The following CCDC171 variants were observed in gnomAD, a reference collection of about 807,000 sequenced individuals.
CCDC171 encodes the protein coiled-coil domain containing 171, also known as coiled-coil domain-containing protein 171.
Under a neutral mutation model 168.2 loss-of-function variants are expected in CCDC171, and 177 were observed. That is an observed-to-expected ratio of 1.05 (90% CI 0.93 to 1.19). The LOEUF (loss-of-function observed/expected upper bound fraction) is 1.19, where lower values mean the gene tolerates loss of function less well. CCDC171 is among the 50% of genes most tolerant of loss of function. CCDC171 has a pLI of 0.00. For missense variants in CCDC171, 1,991 were observed against 1,539.0 expected (o/e 1.29, Z -4.91); for synonymous variants, 687 against 540.8 (o/e 1.27, Z -3.75).
At chr9:16,018,561 A>C (rs1039528845) in intron 3 of CCDC171, among the ~76,000 whole-genome samples, 7 of 152,244 alleles carry the variant, frequency 4.6e-5, no homozygotes, top group Non-Finnish European at 1.0e-4. Flanking sequence ...ATGATCATTT[A>C]AACATAATCA....
chr9:16,039,242 C>G (rs568516984), upstream of CCDC171, among the ~76,000 whole-genome samples: 1 of 152,296 alleles, frequency 6.6e-6, no homozygotes, highest in African/African-American at 2.4e-5. Flanking sequence ...GATTCTCTGA[C>G]CTTTGCTGTC....
At chr9:15,705,699 T>C (rs2052167845) in intron 11 of CCDC171, among the ~76,000 whole-genome samples, 2 of 152,224 alleles carry the variant, frequency 1.3e-5, no homozygotes, top group East Asian at 3.8e-4. Context: ...ATAGCACCTA[T>C]TGCAGTCAAA....
intron 6 of CCDC171, among the ~76,000 whole-genome samples, chr9:15,610,481 A>AAAAAG (rs1564044335): frequency 4.4e-5 from 6 of 136,754 alleles, no homozygotes; most frequent in African/African-American, 1.7e-4. Context: ...AAAAAAAAAA[A>AAAAAG]CTGGGCGTGG....
chr9:15,698,739 G>T (rs114290873), intron 11 of CCDC171, among the ~76,000 whole-genome samples: 1,621 of 152,014 alleles, frequency 0.011, 36 homozygotes, highest in African/African-American at 0.037. Context: ...TTTTTTTAGA[G>T]ACAGTGTGTT....
intron 6 of CCDC171, among the ~76,000 whole-genome samples, chr9:15,622,952 A>G (rs1188978483): frequency 2.6e-5 from 4 of 152,238 alleles, no homozygotes; most frequent in Non-Finnish European, 5.9e-5. Flanking sequence ...AACATAATAT[A>G]TGATAGTTGA....
At chr9:15,614,554 T>C (rs2043947089) in intron 6 of CCDC171, among the ~76,000 whole-genome samples, 1 of 152,242 alleles carries the variant, frequency 6.6e-6, no homozygotes, top group East Asian at 1.9e-4. Flanking sequence ...GCATTCTTGT[T>C]GCTTTTACGA....
chr9:15,917,696 G>A (rs1014987280), intron 24 of CCDC171, among the ~76,000 whole-genome samples: 1 of 151,562 alleles, frequency 6.6e-6, no homozygotes, highest in African/African-American at 2.4e-5. Flanking sequence ...CATAAAATGT[G>A]TTTCTCCAAG....
chr9:15,890,771 A>G (rs557730764), intron 24 of CCDC171, among the ~76,000 whole-genome samples: 22 of 152,322 alleles, frequency 1.4e-4, no homozygotes, highest in African/African-American at 3.4e-4. Flanking sequence ...TTTAAAAACT[A>G]AAATGGTAAC....
intron 3 of CCDC171, among the ~76,000 whole-genome samples, chr9:16,017,664 A>T (rs987851929): frequency 6.6e-6 from 1 of 152,236 alleles, no homozygotes; most frequent in South Asian, 2.1e-4. Context: ...ACAAGTATTA[A>T]TAATATCATT....
At chr9:15,570,691 T>C (rs2040155523) in intron 2 of CCDC171, among the ~76,000 whole-genome samples, 3 of 152,210 alleles carry the variant, frequency 2.0e-5, no homozygotes, top group South Asian at 4.1e-4. Flanking sequence ...TTAGGTTCTG[T>C]AGGGAAGACA....
chr9:15,833,178 C>T (rs2060305316), intron 21 of CCDC171, among the ~76,000 whole-genome samples: 1 of 151,762 alleles, frequency 6.6e-6, no homozygotes, highest in Admixed American at 6.6e-5. Flanking sequence ...TTTTAGTAGA[C>T]ACAGCGTTTT....
chr9:15,790,152 C>G (rs1262467766), intron 21 of CCDC171, among the ~76,000 whole-genome samples: 2 of 152,118 alleles, frequency 1.3e-5, no homozygotes, highest in Non-Finnish European at 2.9e-5. Flanking sequence ...ATTTCTTGTT[C>G]TAGATACTTG....
intron 3 of CCDC171, among the ~76,000 whole-genome samples, chr9:16,002,610 G>C (rs1174143194): frequency 6.6e-6 from 1 of 152,138 alleles, no homozygotes; most frequent in Non-Finnish European, 1.5e-5. Context: ...ATTGAAGAAA[G>C]AAAAGTATTT....
the CCDC171 span, among the ~76,000 whole-genome samples, chr9:16,073,992 A>G: frequency 6.6e-6 from 1 of 152,134 alleles, no homozygotes; most frequent in Non-Finnish European, 1.5e-5. Flanking sequence ...GAGCCCTTCT[A>G]GAACAATCTA....
intron 23 of CCDC171, among the ~76,000 whole-genome samples, chr9:15,856,755 A>T (rs2061362019): frequency 1.3e-5 from 2 of 152,094 alleles, no homozygotes; most frequent in South Asian, 4.1e-4. Context: ...TGGTAGTTCT[A>T]ATTTTAACTT....
In CCDC171 at chr9:15,564,008, C is replaced by A; in HGVS notation, c.-81C>A. ...AAATCATCTAACGTGAAGCCACAGA[C>A]ATCTTGGGCAATTTTAATCATCAAG... On this transcript the variant is annotated 5_prime_UTR_variant, in exon 2 of 26. Transcript: ENST00000380701. 9.3e-7 allele frequency: 1 copy of A among 1,077,716 alleles called. No homozygotes were observed. The highest frequency in any genetic ancestry group is 1.4e-6 in the Non-Finnish European group (1 of 707,002). The allele number at this position is 1,077,716 out of a possible 1,614,324, so 66.8% of individuals were successfully genotyped here. A position where few individuals can be genotyped will look rare whatever the true frequency, so the allele number is the denominator to read the frequency against.
chr9:15,968,713 A>G (rs751883337), intron 25 of CCDC171, among the ~76,000 whole-genome samples: 6 of 151,864 alleles, frequency 4.0e-5, no homozygotes, highest in African/African-American at 1.5e-4. Flanking sequence ...TGATTTTTAT[A>G]TTTTTAGCAG....
At chr9:15,728,924 G>A (rs527263331) in intron 15 of CCDC171, among the ~76,000 whole-genome samples, 2 of 152,128 alleles carry the variant, frequency 1.3e-5, no homozygotes, top group African/African-American at 4.8e-5. Flanking sequence ...TTATTATTGA[G>A]CATTTTATCT....
At chr9:16,096,113 G>C in the CCDC171 span, among the ~76,000 whole-genome samples, 1 of 151,876 alleles carries the variant, frequency 6.6e-6, no homozygotes, top group African/African-American at 2.4e-5. Context: ...AAATATCAGC[G>C]TGGAATTTAT....
Sources: allele counts gnomAD v4.1 joint callset (sites outside exome capture counted in the v4.1 genomes callset), GRCh38; gene constraint gnomAD v4.1.1; transcripts MANE v1.5; gene names NCBI Gene and HGNC (gene_info 2026-07-23, HGNC 2026-07-21).